Variants in ACADSB observed in about 807,000 individuals in gnomAD.
ACADSB encodes acyl-CoA dehydrogenase short/branched chain.
In ACADSB, 40 loss-of-function variants were observed where a neutral mutation model predicts 54.1. The ratio of observed to expected loss-of-function variants is 0.74; its 90% CI spans 0.57 to 0.96. The LOEUF is 0.96. Ranked by LOEUF, ACADSB falls within the 40% of genes least tolerant of loss-of-function variation. The pLI, the probability that ACADSB is intolerant of heterozygous loss-of-function variation, is 0.00. For missense variants in ACADSB, 530 were observed against 510.4 expected, an observed-to-expected ratio of 1.04 and a Z score of -0.37; for synonymous variants, 182 against 182.8, an observed-to-expected ratio of 1.00 and a Z score of 0.03.
intron 1 of ACADSB, among the ~76,000 whole-genome samples, chr10:123,032,887 C>CTAGAAAGGAGAAATTCTTATACT (rs1850346638): frequency 6.6e-6 from 1 of 152,144 alleles, no homozygotes; most frequent in African/African-American, 2.4e-5. Flanking sequence ...CCATGCCTGG[C>CTAGAAAGGAGAAATTCTTATACT]CTCCAATTTC....
intron 1 of ACADSB, among the ~76,000 whole-genome samples, chr10:123,009,331 G>T (rs1053113628): frequency 7.9e-5 from 12 of 152,138 alleles, no homozygotes; most frequent in African/African-American, 2.4e-4. Context: ...GAGTCGGAGG[G>T]TCGCGTCCGC....
At chr10:123,032,585 T>C (rs1028624474) in intron 1 of ACADSB, among the ~76,000 whole-genome samples, 75 of 102,854 alleles carry the variant, frequency 7.3e-4, no homozygotes, top group Non-Finnish European at 1.1e-3. Context: ...TTTCCATTCT[T>C]TTTTTTTTTT....
intron 1 of ACADSB, among the ~76,000 whole-genome samples, chr10:123,029,582 TTAACTC>T (rs1290212135): frequency 6.6e-6 from 1 of 152,222 alleles, no homozygotes; most frequent in Admixed American, 6.5e-5. Context: ...AACTGCATCT[TTAACTC>T]TATACTATAT....
intron 6 of ACADSB, among the ~76,000 whole-genome samples, chr10:123,043,681 T>C (rs1350925979): frequency 6.6e-6 from 1 of 152,072 alleles, no homozygotes; most frequent in Non-Finnish European, 1.5e-5. Context: ...TGATCTTTTT[T>C]TTGCATGGCT....
Position 123,054,965 on chromosome 10 carries a change from A to T in ACADSB, c.*1200A>T, listed in dbSNP as rs11248371. ...TCAAGAAAAAGATCTCTTGCCCATT[A>T]AGAAGTGTATCAAAATCTCATAAGG... On this transcript the variant is annotated 3_prime_UTR_variant, in exon 11 of 11. Transcript: ENST00000358776. 0.11 allele frequency: 16,317 copies of T among 152,236 alleles called. 1,010 individuals carry two copies. The highest frequency in any genetic ancestry group is 0.15 in the East Asian group (789 of 5,180). The allele number at this position is 152,236 out of a possible 1,614,324, so 9.4% of individuals were successfully genotyped here. A position where few individuals can be genotyped will look rare whatever the true frequency, so the allele number is the denominator to read the frequency against.
chr10:123,055,129 C>G lies in ACADSB; in HGVS notation c.*1364C>G, dbSNP rs1388311111. On this transcript the variant is annotated 3_prime_UTR_variant, in exon 11 of 11. Coordinates refer to ENST00000358776, the MANE Select transcript of ACADSB (RefSeq NM_001609.4). ...AGGCAAAATGCAATAAAATATATAT[C>G]TGGTTGTATTAGTCTGTTTTCACGC... 6.5e-6 allele frequency: 1 copy of G among 154,058 alleles called. No homozygotes were observed. Among genetic ancestry groups the G allele is most frequent in the Non-Finnish European group, 1.4e-5 (1 of 69,564 alleles). The allele number at this position is 154,058 out of a possible 1,614,324, so 9.5% of individuals were successfully genotyped here. A position where few individuals can be genotyped will look rare whatever the true frequency, so the allele number is the denominator to read the frequency against.
chr10:123,043,237 G>A, intron 6 of ACADSB, 66 bp downstream of exon 6: 1 of 1,597,462 alleles, frequency 6.3e-7, no homozygotes, highest in Non-Finnish European at 8.6e-7. Context: ...ACCACAGGAG[G>A]TGTGCAAGAC....
chr10:123,041,371 C>T lies in ACADSB; in HGVS notation c.673C>T (p.Pro225Ser). The change falls in exon 5 of 11, where the codon CCT becomes TCT. Residue 225 changes from proline (P) to serine (S), a missense_variant. Pro to Ser is a moderately conservative substitution (Grantham distance 74). Coordinates refer to ENST00000358776, the MANE Select transcript of ACADSB (RefSeq NM_001609.4). The stretch of plus-strand genomic sequence containing the variant: ...CTTTCTGGTGATGGCAAATGTAGAC[C>T]CTACCATTGTAAGTTTGAAAACGAA... ...GLFLVMANVDPTIGYKGITSF... is the reference protein window; with the variant it reads ...GLFLVMANVDSTIGYKGITSF... 1 of 1,614,092 alleles carries T rather than the reference C, an allele frequency of 6.2e-7. No homozygotes were observed. Among genetic ancestry groups the T allele is most frequent in the African/African-American group, 1.3e-5 (1 of 75,018 alleles).
chr10:123,016,336 T>C (rs4980244), intron 1 of ACADSB, among the ~76,000 whole-genome samples: 86,163 of 152,112 alleles, frequency 0.57, 26,038 homozygotes, highest in Non-Finnish European at 0.69. Flanking sequence ...TGAAGGGAAG[T>C]GACAAATCGG....
chr10:123,030,526 C>CAAAAAA (rs66574740), intron 1 of ACADSB, among the ~76,000 whole-genome samples: 3 of 95,854 alleles, frequency 3.1e-5, no homozygotes, highest in Non-Finnish European at 4.0e-5. Context: ...GACTCTGTCT[C>CAAAAAA]AAAAAAAAAA....
At chr10:123,032,440 A>T (rs149260188) in intron 1 of ACADSB, among the ~76,000 whole-genome samples, 1 of 152,154 alleles carries the variant, frequency 6.6e-6, no homozygotes, top group Non-Finnish European at 1.5e-5. Flanking sequence ...GGTAAGTTTC[A>T]TGAGCATTTT....
At chr10:123,053,397 G>T (rs998123995) in intron 10 of ACADSB, among the ~76,000 whole-genome samples, 3 of 151,956 alleles carry the variant, frequency 2.0e-5, no homozygotes, top group South Asian at 2.1e-4. Context: ...AGGCTTTTTA[G>T]TAAAACTGCC....
At chr10:123,024,907 G>A (rs1394030216) in intron 1 of ACADSB, among the ~76,000 whole-genome samples, 2 of 152,196 alleles carry the variant, frequency 1.3e-5, no homozygotes, top group African/African-American at 4.8e-5. Context: ...GAAGGTTAGA[G>A]GCTTTCCATT....
Position 123,034,342 on chromosome 10 carries a change from T to C in ACADSB, c.43-14T>C, listed in dbSNP as rs1437839548. On this transcript the variant is annotated splice_polypyrimidine_tract_variant and intron_variant, in intron 1 of 10. Coordinates refer to ENST00000358776, the MANE Select transcript of ACADSB (RefSeq NM_001609.4). ...TTCAAGTACCTTTCTTTCATGTGTG[T>C]ATGTTCCCTACAGCTAAGAAGAAAT... 1 of 1,612,576 alleles carries C rather than the reference T, an allele frequency of 6.2e-7. No individual in the cohort carries two copies. The highest frequency in any genetic ancestry group is 1.3e-5 in the African/African-American group (1 of 74,930).
At chr10:123,048,336 C>T (rs1850587157) in intron 8 of ACADSB, among the ~76,000 whole-genome samples, 1 of 152,204 alleles carries the variant, frequency 6.6e-6, no homozygotes. Context: ...TACCACAGCC[C>T]ATGCTGTCAT....
In ACADSB at chr10:123,051,148, A is replaced by C. The variant is rs557241397; in HGVS notation, c.1090A>C (p.Ile364Leu). 1.9e-6 allele frequency: 3 copies of C among 1,602,186 alleles called. No homozygotes were observed. The highest frequency in any genetic ancestry group is 2.7e-5 in the African/African-American group (2 of 73,510). Reference sequence around the variant, plus strand: ...GCTTTTAGAAGCTGGAAAGCCATTCATAAAAGAAGCGTCAATGGCCAAATA... The same window carrying C: ...GCTTTTAGAAGCTGGAAAGCCATTCCTAAAAGAAGCGTCAATGGCCAAATA... ...ARLLEAGKPF[I>L]KEASMAKYYA... is the part of the protein sequence containing the mutation. Residue 364 changes from isoleucine to leucine, a missense_variant, in exon 9 of 11, where the codon ATA becomes CTA. Transcript: ENST00000358776.
intron 7 of ACADSB, among the ~76,000 whole-genome samples, chr10:123,045,306 G>C (rs1200019598): frequency 2.1e-5 from 3 of 144,420 alleles, no homozygotes; most frequent in Non-Finnish European, 4.5e-5. Flanking sequence ...AGCCTCCCGA[G>C]TAGCTGGGAC....
At chr10:123,027,703 C>A (rs7912306) in intron 1 of ACADSB, 7 of 327,986 alleles carry the variant, frequency 2.1e-5, no homozygotes, top group East Asian at 8.8e-5. Context: ...TCCCATACAA[C>A]GGGTGTGTAT....
Position 123,055,806 on chromosome 10 carries a change from T to C in ACADSB, c.*2041T>C, listed in dbSNP as rs1057485270. On this transcript the variant is annotated 3_prime_UTR_variant, in exon 11 of 11. Transcript: ENST00000358776. The stretch of plus-strand genomic sequence containing the variant: ...GCAGTCAAATTTTAAACCTCCAAAA[T>C]GATCACCTTTGACTCCACGTCTCAC... 1 of 152,170 alleles carries C rather than the reference T, an allele frequency of 6.6e-6. No homozygotes were observed. The highest frequency in any genetic ancestry group is 2.4e-5 in the African/African-American group (1 of 41,438). 9.4% of individuals were successfully genotyped at this position (152,170 alleles called of 1,614,324 possible). A position where few individuals can be genotyped will look rare whatever the true frequency, so the allele number is the denominator to read the frequency against.
Sources: gnomAD v4.1 joint callset for allele counts (sites outside exome capture counted in the v4.1 genomes callset) on GRCh38, gnomAD v4.1.1 for gene constraint, MANE v1.5 for transcripts, NCBI Gene and HGNC (gene_info 2026-07-23, HGNC 2026-07-21) for gene names.